Variants in CFAP92 observed in about 807,000 individuals in gnomAD.
The protein encoded by CFAP92 is cilia and flagella associated protein 92 (putative), also known as uncharacterized protein CFAP92.
In CFAP92, 86 loss-of-function variants were observed where a neutral mutation model predicts 106.3. The ratio of observed to expected loss-of-function variants is 0.81; its 90% confidence interval spans 0.68 to 0.97. The LOEUF (loss-of-function observed/expected upper bound fraction) is 0.97. CFAP92 is among the 50% of genes least tolerant of loss of function. The pLI, the probability that CFAP92 is intolerant of heterozygous loss-of-function variation, is 0.00. For synonymous variants in CFAP92, 477 were observed against 506.4 expected (o/e 0.94, Z 0.78); for missense variants, 1,204 against 1,283.8 (o/e 0.94, Z 0.95).
intron 12 of CFAP92, among the ~76,000 whole-genome samples, chr3:128,931,138 C>T (rs1345935398): frequency 6.6e-6 from 1 of 150,916 alleles, no homozygotes; most frequent in Non-Finnish European, 1.5e-5. Context: ...CTCCTGGCCT[C>T]AAGGGATCTG....
chr3:128,992,532 A>G (rs553058772), intron 2 of CFAP92, among the ~76,000 whole-genome samples: 36 of 152,218 alleles, frequency 2.4e-4, no homozygotes, highest in Non-Finnish European at 4.9e-4. Flanking sequence ...ACTGCACTCC[A>G]GCCTGGTGAC....
chr3:128,944,959 G>A, intron 10 of CFAP92, 112 bp downstream of exon 10: 8 of 930,420 alleles, frequency 8.6e-6, no homozygotes, highest in Non-Finnish European at 1.3e-5. Flanking sequence ...AACCCCGAAA[G>A]GAGACTCACA....
chr3:128,959,392 A>G (rs1941690583), intron 9 of CFAP92, among the ~76,000 whole-genome samples: 1 of 152,164 alleles, frequency 6.6e-6, no homozygotes, highest in African/African-American at 2.4e-5. Flanking sequence ...CAGCCAAACT[A>G]CCAGTCATGT....
chr3:129,003,703 C>T (rs1944913456), upstream of CFAP92: 6 of 1,187,802 alleles, frequency 5.1e-6, no homozygotes, highest in South Asian at 1.2e-4. Context: ...CTTCTGGGTG[C>T]AGAGGCATGG....
At chr3:128,958,566 T>C (rs115980668) in intron 9 of CFAP92, among the ~76,000 whole-genome samples, 316 of 152,310 alleles carry the variant, frequency 2.1e-3, no homozygotes, top group African/African-American at 7.3e-3. Flanking sequence ...GTATGACATA[T>C]GTATATGGAC....
At chr3:128,956,351 A>G (rs548522147) in intron 9 of CFAP92, among the ~76,000 whole-genome samples, 33 of 152,008 alleles carry the variant, frequency 2.2e-4, no homozygotes, top group African/African-American at 7.2e-4. Context: ...TATTCATGTC[A>G]TTGGAGTTTC....
At chr3:128,918,267 C>G (rs1936980704) in intron 12 of CFAP92, among the ~76,000 whole-genome samples, 1 of 152,160 alleles carries the variant, frequency 6.6e-6, no homozygotes, top group Non-Finnish European at 1.5e-5. Flanking sequence ...GTCAGAAGTT[C>G]AAGACCAGCT....
chr3:129,022,117 A>AT, the CFAP92 span, among the ~76,000 whole-genome samples: 10 of 152,170 alleles, frequency 6.6e-5, no homozygotes, highest in East Asian at 1.9e-4. Context: ...GATCAATGTC[A>AT]TTTTTTTGTC....
At chr3:129,003,858 T>A (rs1207156383), upstream of CFAP92, 1 of 1,442,348 alleles carries the variant, frequency 6.9e-7, no homozygotes, top group East Asian at 3.1e-5. Context: ...GAGGCTGCGG[T>A]GCGGGAGCTG....
At chr3:128,969,991 A>C (rs1212607962) in intron 8 of CFAP92, 1 of 152,216 alleles carries the variant, frequency 6.6e-6, no homozygotes, top group African/African-American at 2.4e-5. Flanking sequence ...GCGGCAGCTC[A>C]TGCCTGTAAT....
At chr3:128,989,289 TAAAA>T (rs56776852) in intron 2 of CFAP92, among the ~76,000 whole-genome samples, 1,242 of 122,206 alleles carry the variant, frequency 0.01, 20 homozygotes, top group African/African-American at 0.034. Flanking sequence ...AAGAAGCAGG[TAAAA>T]AAAAAAAAAA....
At chr3:129,018,507 A>G in the CFAP92 span, among the ~76,000 whole-genome samples, 1 of 152,256 alleles carries the variant, frequency 6.6e-6, no homozygotes, top group Admixed American at 6.5e-5. Flanking sequence ...GCTCCTGTGC[A>G]GAGTGGAGTA....
chr3:129,009,940 T>G, the CFAP92 span, among the ~76,000 whole-genome samples: 2 of 152,116 alleles, frequency 1.3e-5, no homozygotes, highest in African/African-American at 4.8e-5. Context: ...CAGAAAAAGA[T>G]TGTTATCCCC....
chr3:128,919,638 C>T (rs970477288), intron 12 of CFAP92, among the ~76,000 whole-genome samples: 1 of 152,170 alleles, frequency 6.6e-6, no homozygotes, highest in African/African-American at 2.4e-5. Context: ...ATGGTGGTTC[C>T]ATTTTCTTTT....
chr3:129,003,336 G>C (rs1411710023), upstream of CFAP92: 1 of 955,964 alleles, frequency 1.0e-6, no homozygotes, highest in South Asian at 4.8e-5. Flanking sequence ...TAGGCTCTGG[G>C]AACACACCAG....
chr3:128,924,713 C>G (rs538274365), intron 12 of CFAP92, among the ~76,000 whole-genome samples: 27 of 152,234 alleles, frequency 1.8e-4, no homozygotes, highest in African/African-American at 6.3e-4. Context: ...TCCCAAAGTG[C>G]TGGGATTATA....
chr3:129,007,774 T>TA, the CFAP92 span, among the ~76,000 whole-genome samples: 1 of 152,250 alleles, frequency 6.6e-6, no homozygotes, highest in Non-Finnish European at 1.5e-5. Context: ...TTGATGACTC[T>TA]ATTGTTCATG....
At chr3:128,919,906 T>G (rs1294670685) in intron 12 of CFAP92, among the ~76,000 whole-genome samples, 3 of 152,188 alleles carry the variant, frequency 2.0e-5, no homozygotes, top group Non-Finnish European at 4.4e-5. Flanking sequence ...TGACTCTGAT[T>G]AAGGAGATTT....
Position 128,978,175 on chromosome 3 carries a change from A to G in CFAP92, c.678T>C (p.His226=). ...VGAFHKSEVR[H]LVLNQRKLSE... ...ATAATTTTCTCTGATTTAAAACCAA[A>G]TGTCTCACTTCTAGAATGCAGGAGA... Residue 226 remains histidine (H), a synonymous_variant, in exon 5 of 16, where the codon CAT becomes CAC. Coordinates refer to ENST00000645291, the MANE Select transcript of CFAP92 (RefSeq NM_001394090.1). The G allele has an allele frequency of 6.2e-7, 1 of 1,613,426 alleles. No homozygotes were observed. Among genetic ancestry groups the G allele is most frequent in the Non-Finnish European group, 8.5e-7 (1 of 1,179,574 alleles).
Sources: gnomAD v4.1 joint callset for allele counts (sites outside exome capture counted in the v4.1 genomes callset) on GRCh38, gnomAD v4.1.1 for gene constraint, MANE v1.5 for transcripts, NCBI Gene and HGNC (gene_info 2026-07-23, HGNC 2026-07-21) for gene names.